The following TGFBR3 variants were observed in gnomAD, a reference collection of about 807,000 sequenced individuals.
TGFBR3 encodes transforming growth factor beta receptor 3.
In TGFBR3, 46 loss-of-function variants were observed where a neutral mutation model predicts 87.9. That is an observed-to-expected ratio of 0.52 (90% CI 0.41 to 0.67). The LOEUF (loss-of-function observed/expected upper bound fraction) is 0.67. Among genes scored for constraint, TGFBR3 ranks in the 30% least tolerant of loss-of-function variants. The pLI is 0.00. For missense variants in TGFBR3, 866 were observed against 1,041.9 expected, an observed-to-expected ratio of 0.83 and a Z score of 2.32; for synonymous variants, 381 against 391.6, an observed-to-expected ratio of 0.97 and a Z score of 0.32.
chr1:91,692,832 A>G (rs1671312237), intron 16 of TGFBR3, among the ~76,000 whole-genome samples: 1 of 152,220 alleles, frequency 6.6e-6, no homozygotes, highest in South Asian at 2.1e-4. Flanking sequence ...CACAATCCAA[A>G]TTTGTGACTT....
chr1:91,826,374 T>G (rs917933025), intron 2 of TGFBR3, among the ~76,000 whole-genome samples: 1 of 152,170 alleles, frequency 6.6e-6, no homozygotes, highest in Non-Finnish European at 1.5e-5. Flanking sequence ...CACATTTATA[T>G]TTAGTAGGAG....
At chr1:91,797,149 G>T in intron 3 of TGFBR3, 138 bp downstream of exon 3, 2 of 981,422 alleles carry the variant, frequency 2.0e-6, no homozygotes, top group Non-Finnish European at 3.2e-6. Flanking sequence ...ACAGCAGCTG[G>T]TATTTTAAAT....
At chr1:91,821,032 T>A (rs1676430211) in intron 2 of TGFBR3, among the ~76,000 whole-genome samples, 1 of 151,894 alleles carries the variant, frequency 6.6e-6, no homozygotes, top group Non-Finnish European at 1.5e-5. Context: ...GTTTTTTCCA[T>A]TAAAAGTAAT....
At chr1:91,753,122 G>A (rs999798122) in intron 4 of TGFBR3, among the ~76,000 whole-genome samples, 6 of 151,174 alleles carry the variant, frequency 4.0e-5, no homozygotes, top group Non-Finnish European at 5.9e-5. Context: ...ACTGTGGCTC[G>A]CGCCTATAAA....
At chr1:91,725,435 G>T (rs72714458) in intron 7 of TGFBR3, among the ~76,000 whole-genome samples, 2 of 152,272 alleles carry the variant, frequency 1.3e-5, no homozygotes, top group Non-Finnish European at 2.9e-5. Context: ...CAGGCACTCT[G>T]CTAGGCATAT....
At chr1:91,786,568 T>C (rs970139225) in intron 3 of TGFBR3, among the ~76,000 whole-genome samples, 2 of 152,032 alleles carry the variant, frequency 1.3e-5, no homozygotes, top group Admixed American at 6.6e-5. Context: ...CTGGCCAACA[T>C]GGTGAAACCC....
At chr1:91,821,328 C>CAAAA (rs35313779) in intron 2 of TGFBR3, among the ~76,000 whole-genome samples, 1 of 77,562 alleles carries the variant, frequency 1.3e-5, no homozygotes, top group Non-Finnish European at 2.4e-5. Flanking sequence ...AAGACTGTCT[C>CAAAA]AAAAAAAAAA....
intron 4 of TGFBR3, among the ~76,000 whole-genome samples, chr1:91,753,121 C>T (rs1673610716): frequency 6.6e-6 from 1 of 151,980 alleles, no homozygotes; most frequent in Non-Finnish European, 1.5e-5. Context: ...CACTGTGGCT[C>T]GCGCCTATAA....
At chr1:91,685,990 A>G (rs1419842920) in intron 16 of TGFBR3, among the ~76,000 whole-genome samples, 1 of 152,204 alleles carries the variant, frequency 6.6e-6, no homozygotes, top group Non-Finnish European at 1.5e-5. Flanking sequence ...TTCCTATTTT[A>G]ATAAGGATAC....
chr1:91,767,565 A>G lies in TGFBR3; in HGVS notation c.247-8815T>C, dbSNP rs1431033275. ...AAAGGAAGTGCTCTGCGTAATATCT[A>G]ATTACTCCCATCTTAAAGGTAAAGA... On this transcript the variant is annotated intron_variant, in intron 3 of 16. Coordinates refer to ENST00000212355, the MANE Select transcript of TGFBR3 (RefSeq NM_003243.5). 4.5e-5 allele frequency among the ~76,000 whole-genome samples: 6 copies of G among 132,754 alleles called. 2 individuals are homozygous for G. Among genetic ancestry groups the G allele is most frequent in the African/African-American group, 1.1e-4 (4 of 35,266 alleles). The allele number at this position is 132,754 out of a possible 152,430, so 87.1% of individuals were successfully genotyped here. A position where few individuals can be genotyped will look rare whatever the true frequency, so the allele number is the denominator to read the frequency against.
At chr1:91,841,963 TG>T (rs1384055731) in intron 2 of TGFBR3, among the ~76,000 whole-genome samples, 1 of 151,620 alleles carries the variant, frequency 6.6e-6, no homozygotes, top group Admixed American at 6.6e-5. Flanking sequence ...TAGCCAAGCA[TG>T]GTGGTGTGCA....
intron 2 of TGFBR3, among the ~76,000 whole-genome samples, chr1:91,818,266 C>T (rs1398372087): frequency 1.5e-5 from 2 of 134,022 alleles, no homozygotes; most frequent in Non-Finnish European, 3.2e-5. Flanking sequence ...ACCATTTCCC[C>T]TTAGCCCCAG....
chr1:91,707,695 C>A (rs952013984), intron 14 of TGFBR3, among the ~76,000 whole-genome samples: 3 of 152,210 alleles, frequency 2.0e-5, no homozygotes, highest in Non-Finnish European at 4.4e-5. Context: ...AAATATCTAA[C>A]CCCGCTTGGA....
intron 1 of TGFBR3, among the ~76,000 whole-genome samples, chr1:91,873,603 A>G (rs1678673879): frequency 6.6e-6 from 1 of 151,914 alleles, no homozygotes. Context: ...GCCTGGCCCA[A>G]TTTTCCCTTT....
At position 91,860,934 on chromosome 1, in the gene TGFBR3, C is replaced by CAAAA. The variant is rs3039477; in HGVS notation, c.61+533_61+536dup. On this transcript the variant is annotated intron_variant, in intron 2 of 16. Coordinates refer to ENST00000212355, the MANE Select transcript of TGFBR3 (RefSeq NM_003243.5). ...GTGACAGAGCAAGACTCTGTCTCCA[C>CAAAA]AAAAAAAAAAAAAAAAAAAAAAAAA... 1.8e-3 allele frequency among the ~76,000 whole-genome samples: 63 copies of CAAAA among 35,636 alleles called. 5 individuals are homozygous for CAAAA. The highest frequency in any genetic ancestry group is 5.3e-3 in the African/African-American group (55 of 10,328). The allele number at this position is 35,636 out of a possible 152,430, so 23.4% of individuals were successfully genotyped here.
At chr1:91,687,323 C>T (rs1671122052) in intron 16 of TGFBR3, among the ~76,000 whole-genome samples, 1 of 152,100 alleles carries the variant, frequency 6.6e-6, no homozygotes, top group African/African-American at 2.4e-5. Flanking sequence ...GAGAGAGACC[C>T]TGTCTCTACC....
At chr1:91,798,994 T>C (rs528812827) in intron 2 of TGFBR3, among the ~76,000 whole-genome samples, 2 of 152,166 alleles carry the variant, frequency 1.3e-5, no homozygotes, top group South Asian at 4.1e-4. Flanking sequence ...CTTGGTGCTA[T>C]TGTCTCCATT....
At chr1:91,898,116 A>G (rs1679590800) in intron 2 of TGFBR3, among the ~76,000 whole-genome samples, 1 of 152,094 alleles carries the variant, frequency 6.6e-6, no homozygotes. Flanking sequence ...AAAAAAAATT[A>G]CAGATACAAT....
chr1:91,879,334 G>A (rs1420153782), intron 1 of TGFBR3, among the ~76,000 whole-genome samples: 3 of 151,528 alleles, frequency 2.0e-5, no homozygotes, highest in African/African-American at 7.3e-5. Flanking sequence ...ACATATAACT[G>A]AATCCTCTTC....
Sources: gnomAD v4.1 joint callset for allele counts (sites outside exome capture counted in the v4.1 genomes callset) on GRCh38, gnomAD v4.1.1 for gene constraint, MANE v1.5 for transcripts, NCBI Gene and HGNC (gene_info 2026-07-23, HGNC 2026-07-21) for gene names.